OR51E2: variants seen among roughly 807,000 people sequenced by gnomAD.
The protein encoded by OR51E2 is olfactory receptor 51E2.
In OR51E2, 14 loss-of-function variants were observed where a neutral mutation model predicts 13.7. That is an observed-to-expected ratio of 1.02 (90% CI 0.68 to 1.60). The LOEUF (loss-of-function observed/expected upper bound fraction) is 1.60. OR51E2 is among the 40% of genes most tolerant of loss of function. OR51E2 has a pLI of 0.00. For missense variants in OR51E2, 483 were observed against 413.8 expected (o/e 1.17, Z -1.45); for synonymous variants, 180 against 157.6 (o/e 1.14, Z -1.07).
In OR51E2 at chr11:4,681,477, A is replaced by G; in HGVS notation, c.*272T>C. The G allele has an allele frequency of 7.0e-6, 3 of 427,938 alleles. No homozygotes were observed. Among genetic ancestry groups the G allele is most frequent in the South Asian group, 4.1e-5 (1 of 24,138 alleles). 26.5% of individuals were successfully genotyped at this position (427,938 alleles called of 1,614,324 possible). A position where few individuals can be genotyped will look rare whatever the true frequency, so the allele number is the denominator to read the frequency against. Reference sequence around the variant, plus strand: ...GCACATTTCCTCCAAGGCATATGCTATTTTTCAACTTGGTTTCAATCATGT... The same window carrying G: ...GCACATTTCCTCCAAGGCATATGCTGTTTTTCAACTTGGTTTCAATCATGT... On this transcript the variant is annotated 3_prime_UTR_variant, in exon 2 of 2. Transcript: ENST00000396950.
At chr11:4,692,647 G>T (rs1288479194) in intron 1 of OR51E2, among the ~76,000 whole-genome samples, 1 of 152,154 alleles carries the variant, frequency 6.6e-6, no homozygotes, top group African/African-American at 2.4e-5. Flanking sequence ...GGGAAAAACA[G>T]AGATTAGGGT....
Position 4,681,511 on chromosome 11 carries a change from T to C in OR51E2, c.*238A>G, listed in dbSNP as rs148244982. 16 of 513,702 alleles carry C rather than the reference T, an allele frequency of 3.1e-5. No individual in the cohort carries two copies. In the East Asian group the frequency reaches 4.4e-4, roughly 14 times the overall value. 31.8% of individuals were successfully genotyped at this position (513,702 alleles called of 1,614,324 possible). ...CTTGGTTTCAATCATGTATCTTTAT[T>C]GTTTTTCTTAATGTTATAAGCATGT... On this transcript the variant is annotated 3_prime_UTR_variant, in exon 2 of 2. Coordinates refer to ENST00000396950, the MANE Select transcript of OR51E2 (RefSeq NM_030774.4).
intron 1 of OR51E2, among the ~76,000 whole-genome samples, chr11:4,696,403 C>T (rs923024017): frequency 6.6e-6 from 1 of 152,116 alleles, no homozygotes; most frequent in African/African-American, 2.4e-5. Flanking sequence ...TTCTCTCTCT[C>T]ATCCCTTACA....
At chr11:4,686,938 G>A (rs1480486158) in intron 1 of OR51E2, among the ~76,000 whole-genome samples, 2 of 152,128 alleles carry the variant, frequency 1.3e-5, no homozygotes, top group African/African-American at 4.8e-5. Context: ...TAGCATTTGT[G>A]AGGTGAGGTG....
intron 1 of OR51E2, among the ~76,000 whole-genome samples, chr11:4,683,981 C>G (rs953332664): frequency 6.6e-6 from 1 of 152,218 alleles, no homozygotes; most frequent in South Asian, 2.1e-4. Context: ...CCCCCAACCC[C>G]AGAATTCTTC....
At chr11:4,686,716 T>G (rs2133247523) in intron 1 of OR51E2, among the ~76,000 whole-genome samples, 1 of 152,328 alleles carries the variant, frequency 6.6e-6, no homozygotes, top group East Asian at 1.9e-4. Context: ...TCACCACCAC[T>G]ACCATGTTCA....
At chr11:4,685,422 C>T (rs12577780) in intron 1 of OR51E2, among the ~76,000 whole-genome samples, 6,294 of 152,270 alleles carry the variant, frequency 0.041, 252 homozygotes, top group East Asian at 0.19. Flanking sequence ...CTCTGCTAGA[C>T]GCAGCAGACA....
chr11:4,691,274 T>G (rs573196270), intron 1 of OR51E2: 1 of 457,128 alleles, frequency 2.2e-6, no homozygotes, highest in South Asian at 1.5e-5. Flanking sequence ...CAATTTGAGC[T>G]ATTCTGGAGT....
intron 1 of OR51E2, chr11:4,692,121 A>T (rs1287125229): frequency 2.2e-6 from 1 of 447,854 alleles, no homozygotes; most frequent in Non-Finnish European, 4.5e-6. Flanking sequence ...GGCACCAGAG[A>T]AAAATACACT....
rs756927692 is a variant in OR51E2 at position 4,682,124 on chromosome 11, TA to T, written c.587del (p.Val196AspfsTer15). ...CCAGCAGAATGGCAGTAAGACCATA[TA>T]CCACATTGGGCAAAGTGTCTGCATA... ...LAYADTLPNV[V>X]YGLTAILLVM... On this transcript the variant is annotated frameshift_variant, in exon 2 of 2. Coordinates refer to ENST00000396950, the MANE Select transcript of OR51E2 (RefSeq NM_030774.4). LOFTEE classifies it high-confidence loss of function. The T allele has an allele frequency of 8.7e-6, 14 of 1,614,090 alleles. No homozygotes were observed. The Admixed American group carries it at 2.0e-4, about 23-fold the overall frequency.
intron 1 of OR51E2, chr11:4,690,618 C>T: frequency 3.4e-6 from 1 of 297,504 alleles, no homozygotes; most frequent in East Asian, 9.3e-5. Context: ...GTTCTAGATA[C>T]ATTCCAGCTT....
intron 1 of OR51E2, among the ~76,000 whole-genome samples, chr11:4,684,239 G>A (rs887233199): frequency 2.6e-5 from 4 of 152,144 alleles, no homozygotes; most frequent in South Asian, 2.1e-4. Flanking sequence ...AAACAGCTAA[G>A]CTCCTTGACA....
intron 1 of OR51E2, among the ~76,000 whole-genome samples, chr11:4,686,821 A>T (rs1847519955): frequency 6.6e-6 from 1 of 151,434 alleles, no homozygotes; most frequent in African/African-American, 2.4e-5. Context: ...TCAGAGCATG[A>T]CATTTGTTCT....
intron 1 of OR51E2, among the ~76,000 whole-genome samples, chr11:4,692,421 T>C (rs4910526): frequency 0.11 from 17,497 of 152,278 alleles, 1,405 homozygotes; most frequent in East Asian, 0.34. Flanking sequence ...TCCAACACAG[T>C]TCTCTCTTCA....
intron 1 of OR51E2, among the ~76,000 whole-genome samples, chr11:4,683,708 G>A (rs951423218): frequency 6.6e-6 from 1 of 152,232 alleles, no homozygotes; most frequent in Admixed American, 6.5e-5. Flanking sequence ...GTGCCAACAA[G>A]TCATTCATCT....
chr11:4,683,196 G>A (rs1847477857), intron 1 of OR51E2, among the ~76,000 whole-genome samples: 1 of 151,984 alleles, frequency 6.6e-6, no homozygotes, highest in Non-Finnish European at 1.5e-5. Context: ...CATAATATAT[G>A]CATTTAATTC....
In OR51E2 at chr11:4,695,485, G is replaced by A. The variant is rs566574929; in HGVS notation, c.-51+2168C>T. Among the ~76,000 whole-genome samples the A allele has an allele frequency of 1.8e-3, 272 of 152,254 alleles. 1 individual carries two copies. Among genetic ancestry groups the A allele is most frequent in the Non-Finnish European group, 3.4e-3 (229 of 67,996 alleles). On this transcript the variant is annotated intron_variant, in intron 1 of 1. Transcript: ENST00000396950. The stretch of plus-strand genomic sequence containing the variant: ...TGATAGTGAGGGATACAAGACATAA[G>A]CCCTGTTTCTCTCTCAATTTCCTGC...
At chr11:4,689,283 A>G (rs1177523170) in intron 1 of OR51E2, among the ~76,000 whole-genome samples, 2 of 152,206 alleles carry the variant, frequency 1.3e-5, no homozygotes, top group East Asian at 3.8e-4. Context: ...TAAATTTCCT[A>G]CAGGGAATGA....
intron 1 of OR51E2, chr11:4,690,941 G>A (rs1847570414): frequency 2.2e-6 from 1 of 454,744 alleles, no homozygotes; most frequent in Admixed American, 2.4e-5. Context: ...TCAATGGAAT[G>A]TAATATATAG....
Sources: allele counts gnomAD v4.1 joint callset (sites outside exome capture counted in the v4.1 genomes callset), GRCh38; gene constraint gnomAD v4.1.1; transcripts MANE v1.5; gene names NCBI Gene and HGNC (gene_info 2026-07-23, HGNC 2026-07-21).